The following CDH18 variants were observed in gnomAD, a reference collection of about 807,000 sequenced individuals.
The protein encoded by CDH18 is cadherin-18.
A neutral mutation model predicts 67.9 loss-of-function variants in CDH18; 31 were observed. That is an observed-to-expected ratio of 0.46 (90% CI 0.34 to 0.62). The LOEUF is 0.62. CDH18 is among the 20% of genes least tolerant of loss of function. The pLI, the probability that CDH18 is intolerant of heterozygous loss-of-function variation, is 0.01. For missense variants in CDH18, 890 were observed against 975.5 expected (o/e 0.91, Z 1.17); for synonymous variants, 362 against 347.2 (o/e 1.04, Z -0.48).
chr5:19,719,610 G>A (rs928613765), intron 5 of CDH18, among the ~76,000 whole-genome samples: 2 of 151,686 alleles, frequency 1.3e-5, no homozygotes, highest in African/African-American at 4.8e-5. Flanking sequence ...TAATAAGCAT[G>A]TTTTCCTAAA....
At chr5:19,644,821 C>T (rs919598551) in intron 5 of CDH18, among the ~76,000 whole-genome samples, 2 of 152,014 alleles carry the variant, frequency 1.3e-5, no homozygotes, top group African/African-American at 4.8e-5. Flanking sequence ...CAAAGAATCC[C>T]AAAAGATTTC....
chr5:20,075,452 G>A (rs1253253874), intron 2 of CDH18, among the ~76,000 whole-genome samples: 5 of 152,076 alleles, frequency 3.3e-5, no homozygotes, highest in South Asian at 2.1e-4. Context: ...GCAGTGAGCC[G>A]AGATTGCGCC....
chr5:20,333,106 TACCTCTA>T (rs1739334425), intron 1 of CDH18, among the ~76,000 whole-genome samples: 1 of 152,138 alleles, frequency 6.6e-6, no homozygotes, highest in Non-Finnish European at 1.5e-5. Flanking sequence ...GGACCTGCTG[TACCTCTA>T]TATAATAGAT....
chr5:19,732,123 A>G (rs55902104), intron 4 of CDH18, among the ~76,000 whole-genome samples: 29 of 152,036 alleles, frequency 1.9e-4, no homozygotes, highest in African/African-American at 6.8e-4. Context: ...GCATTTTTTA[A>G]AACTATGAGA....
chr5:20,048,726 C>T (rs1338262378), intron 2 of CDH18, among the ~76,000 whole-genome samples: 3 of 151,426 alleles, frequency 2.0e-5, no homozygotes, highest in Non-Finnish European at 4.4e-5. Context: ...TATTCTTGGT[C>T]TGGCCTGTAG....
At chr5:19,652,431 A>G (rs1164199201) in intron 5 of CDH18, among the ~76,000 whole-genome samples, 1 of 152,146 alleles carries the variant, frequency 6.6e-6, no homozygotes, top group Non-Finnish European at 1.5e-5. Flanking sequence ...CAGGCCAAAA[A>G]ATAATGGGGA....
intron 2 of CDH18, among the ~76,000 whole-genome samples, chr5:19,954,845 A>C (rs1373066739): frequency 7.0e-6 from 1 of 143,536 alleles, no homozygotes; most frequent in East Asian, 2.0e-4. Flanking sequence ...AAAAATAACA[A>C]TCTCAGGAAA....
At chr5:20,476,468 G>C (rs1361564355) in intron 1 of CDH18, among the ~76,000 whole-genome samples, 4 of 151,990 alleles carry the variant, frequency 2.6e-5, no homozygotes, top group Non-Finnish European at 5.9e-5. Flanking sequence ...ACCAAGTTTA[G>C]AGTTGAATTT....
At chr5:20,497,894 G>C (rs140449585) in intron 1 of CDH18, among the ~76,000 whole-genome samples, 4 of 152,050 alleles carry the variant, frequency 2.6e-5, no homozygotes, top group South Asian at 2.1e-4. Context: ...TGAGGACTTC[G>C]TGAGGTAATT....
At chr5:19,540,462 ACT>A (rs991719496) in intron 9 of CDH18, among the ~76,000 whole-genome samples, 3 of 151,974 alleles carry the variant, frequency 2.0e-5, no homozygotes, top group Non-Finnish European at 4.4e-5. Flanking sequence ...CCCAGTGGAA[ACT>A]CTGTGTGGGG....
At chr5:20,008,019 G>A (rs903391417) in intron 2 of CDH18, among the ~76,000 whole-genome samples, 3 of 151,756 alleles carry the variant, frequency 2.0e-5, no homozygotes, top group African/African-American at 4.8e-5. Flanking sequence ...GCTGACCCCT[G>A]GTATAGACAT....
intron 2 of CDH18, among the ~76,000 whole-genome samples, chr5:20,229,969 C>T (rs1327929933): frequency 6.6e-6 from 1 of 152,166 alleles, no homozygotes; most frequent in East Asian, 1.9e-4. Context: ...AATGCGAATA[C>T]AGACTAGTTA....
chr5:19,572,842 T>C (rs1018134770), intron 7 of CDH18, among the ~76,000 whole-genome samples: 2 of 152,248 alleles, frequency 1.3e-5, no homozygotes, highest in South Asian at 4.1e-4. Flanking sequence ...AAAAGCTAAC[T>C]AGAAAGAGGA....
intron 9 of CDH18, among the ~76,000 whole-genome samples, chr5:19,536,969 C>T (rs1239974828): frequency 6.6e-6 from 1 of 152,130 alleles, no homozygotes; most frequent in African/African-American, 2.4e-5. Context: ...AAAGATCACT[C>T]AGATAACGGT....
chr5:20,557,882 A>AAATGTTATAGTTATATAACATTT lies in CDH18; in HGVS notation c.-580+17557_-580+17579dup, dbSNP rs1561128752. 7.7e-4 allele frequency among the ~76,000 whole-genome samples: 64 copies of AAATGTTATAGTTATATAACATTT among 83,262 alleles called. 2 individuals carry two copies. The highest frequency in any genetic ancestry group is 2.6e-3 in the African/African-American group (52 of 20,000). The allele number at this position is 83,262 out of a possible 152,430, so 54.6% of individuals were successfully genotyped here. A position where few individuals can be genotyped will look rare whatever the true frequency, so the allele number is the denominator to read the frequency against. On this transcript the variant is annotated intron_variant, in intron 1 of 14. Transcript: ENST00000507958. ...TTTAATGTTATAGTTATATAACATTAAATGTTATAGTTATATAACATTTAA... is the reference window on the plus strand; with the variant it reads ...TTTAATGTTATAGTTATATAACATTAAATGTTATAGTTATATAACATTTAATGTTATAGTTATATAACATTTAA...
chr5:19,534,735 T>C (rs878908263), intron 9 of CDH18, among the ~76,000 whole-genome samples: 4 of 152,158 alleles, frequency 2.6e-5, no homozygotes, highest in South Asian at 4.1e-4. Context: ...CCTTGTATAA[T>C]GGCTTTCCAT....
intron 1 of CDH18, among the ~76,000 whole-genome samples, chr5:20,398,603 T>C (rs77684303): frequency 5.3e-5 from 8 of 152,070 alleles, no homozygotes; most frequent in African/African-American, 1.7e-4. Context: ...CAAACCACCA[T>C]GGCACATGTA....
At chr5:19,733,952 T>C (rs1207574952) in intron 4 of CDH18, among the ~76,000 whole-genome samples, 1 of 152,170 alleles carries the variant, frequency 6.6e-6, no homozygotes, top group African/African-American at 2.4e-5. Flanking sequence ...CTTGCTTACA[T>C]GCTCACTCCT....
intron 1 of CDH18, among the ~76,000 whole-genome samples, chr5:20,380,622 T>C (rs1743834186): frequency 6.6e-6 from 1 of 152,114 alleles, no homozygotes; most frequent in Admixed American, 6.6e-5. Context: ...TAGGTATTAG[T>C]TAGGTGAGAA....
Sources: allele counts gnomAD v4.1 joint callset (sites outside exome capture counted in the v4.1 genomes callset), GRCh38; gene constraint gnomAD v4.1.1; transcripts MANE v1.5; gene names NCBI Gene and HGNC (gene_info 2026-07-23, HGNC 2026-07-21).